The following PLXNA2 variants were observed in gnomAD, a reference collection of about 807,000 sequenced individuals.
The protein encoded by PLXNA2 is plexin A2.
Under a neutral mutation model 193.5 loss-of-function variants are expected in PLXNA2, and 91 were observed. The observed-to-expected ratio is 0.47, with a 90% CI of 0.40 to 0.56. The LOEUF is 0.56. Among genes scored for constraint, PLXNA2 ranks in the 20% least tolerant of loss-of-function variants. The probability of loss-of-function intolerance (pLI) is 0.00; values close to 1 mark genes in which losing one functional copy is unlikely to be tolerated. For synonymous variants in PLXNA2, 997 were observed against 1,027.3 expected (o/e 0.97, Z 0.56); for missense variants, 1,995 against 2,503.2 (o/e 0.80, Z 4.33).
At chr1:208,035,299 A>C (rs1475502706) in intron 26 of PLXNA2, among the ~76,000 whole-genome samples, 1 of 152,196 alleles carries the variant, frequency 6.6e-6, no homozygotes. Flanking sequence ...TCTCTTCATT[A>C]TATATTCTAA....
chr1:208,068,111 C>T (rs114931391), intron 12 of PLXNA2, among the ~76,000 whole-genome samples: 105 of 152,288 alleles, frequency 6.9e-4, no homozygotes, highest in African/African-American at 1.9e-3. Context: ...CTCAATAAGA[C>T]GATAACTATC....
intron 14 of PLXNA2, among the ~76,000 whole-genome samples, chr1:208,053,484 G>A (rs528128827): frequency 1.4e-4 from 21 of 152,344 alleles, no homozygotes; most frequent in Middle Eastern, 3.4e-3. Flanking sequence ...TCTGAGAGAG[G>A]AGAGTATAAG....
At chr1:208,151,857 C>T (rs600393) in intron 3 of PLXNA2, among the ~76,000 whole-genome samples, 128,414 of 151,860 alleles carry the variant, frequency 0.85, 54,634 homozygotes, top group Non-Finnish European at 0.9. Context: ...CCAGAGCCTA[C>T]GCTTTCTCTA....
chr1:208,211,780 T>C (rs775227929), intron 2 of PLXNA2, among the ~76,000 whole-genome samples: 1 of 152,122 alleles, frequency 6.6e-6, no homozygotes, highest in African/African-American at 2.4e-5. Flanking sequence ...TGTGAAAACT[T>C]GGACAAGCAG....
rs1329160301 is a variant in PLXNA2, at chr1:208,022,838, T to C, written c.*4405A>G. On this transcript the variant is annotated 3_prime_UTR_variant, in exon 32 of 32. Coordinates refer to ENST00000367033, the MANE Select transcript of PLXNA2 (RefSeq NM_025179.4). ...CTTCTCTGCTGTGAGAAGAATGAGA[T>C]GTGGGTGTCCACGAGAGGCTGAGGA... 1.3e-5 allele frequency: 2 copies of C among 152,258 alleles called. No homozygotes were observed. The highest frequency in any genetic ancestry group is 2.4e-5 in the African/African-American group (1 of 41,460). The allele number at this position is 152,258 out of a possible 1,614,324, so 9.4% of individuals were successfully genotyped here.
chr1:208,214,214 T>G (rs944662465), intron 2 of PLXNA2, among the ~76,000 whole-genome samples: 1 of 152,230 alleles, frequency 6.6e-6, no homozygotes, highest in Admixed American at 6.5e-5. Context: ...TCTTTACTAC[T>G]GTGATTAATA....
rs539912236 is a variant in PLXNA2 at position 208,214,123 on chromosome 1, C to T, written c.1188+2612G>A. Among the ~76,000 whole-genome samples the T allele has an allele frequency of 2.4e-3, 355 of 147,724 alleles. 4 individuals carry two copies. The highest frequency in any genetic ancestry group is 3.5e-3 in the Non-Finnish European group (230 of 66,516). ...ACGGCCAGTGGCCATAAAATTTTGG[C>T]GTTAAAAAAAAAAAAACCAAAGACT... On this transcript the variant is annotated intron_variant, in intron 2 of 31. Transcript: ENST00000367033.
At chr1:208,113,838 G>A (rs1667562366) in intron 4 of PLXNA2, among the ~76,000 whole-genome samples, 1 of 152,104 alleles carries the variant, frequency 6.6e-6, no homozygotes, top group Non-Finnish European at 1.5e-5. Context: ...TTACAGGTGT[G>A]AGCCACTGTG....
chr1:208,058,117 A>T (rs670590), intron 13 of PLXNA2, among the ~76,000 whole-genome samples: 1 of 152,194 alleles, frequency 6.6e-6, no homozygotes, highest in Non-Finnish European at 1.5e-5. Flanking sequence ...CCTGGGGCGG[A>T]AGCACACACA....
At chr1:208,221,038 T>G (rs1671312337) in intron 1 of PLXNA2, among the ~76,000 whole-genome samples, 1 of 152,138 alleles carries the variant, frequency 6.6e-6, no homozygotes, top group Non-Finnish European at 1.5e-5. Context: ...TCCTGAGAGT[T>G]AGACTGAGAA....
chr1:208,105,988 G>C (rs1383952918), intron 4 of PLXNA2, among the ~76,000 whole-genome samples: 1 of 152,090 alleles, frequency 6.6e-6, no homozygotes, highest in Non-Finnish European at 1.5e-5. Flanking sequence ...CAAGTGCCAC[G>C]GAGATAGTGA....
intron 14 of PLXNA2, among the ~76,000 whole-genome samples, 196 bp from the exon 15 acceptor site, chr1:208,052,659 G>A (rs534430707): frequency 4.3e-4 from 66 of 152,198 alleles, no homozygotes; most frequent in African/African-American, 1.5e-3. Flanking sequence ...GGGCATGTCC[G>A]GGAAGGCAGA....
At position 208,082,353 on chromosome 1, in the gene PLXNA2, C is replaced by G; in HGVS notation, c.2395+59G>C. 8 of 1,360,768 alleles carry G rather than the reference C, an allele frequency of 5.9e-6. No individual in the cohort carries two copies. In the South Asian group the frequency reaches 9.7e-5, roughly 16 times the overall value. The allele number at this position is 1,360,768 out of a possible 1,614,324, so 84.3% of individuals were successfully genotyped here. The stretch of plus-strand genomic sequence containing the variant: ...GGCTGGCTGGCTCTGATCCCTCTAG[C>G]CCCAGTCTTTCCCGGGGTCGTGAAA... On this transcript the variant is annotated intron_variant, in intron 11 of 31. Transcript: ENST00000367033. The surrounding 1 kb of genome is among the most constrained non-coding windows in gnomAD (Gnocchi z 4.2).
rs76513222 is a variant in PLXNA2 at position 208,188,079 on chromosome 1, A to G, written c.1371+22201T>C. On this transcript the variant is annotated intron_variant, in intron 3 of 31. Coordinates refer to ENST00000367033, the MANE Select transcript of PLXNA2 (RefSeq NM_025179.4). The stretch of plus-strand genomic sequence containing the variant: ...CATTGCACCACCACCAGTGACGCGC[A>G]CCTGAATATTTATGAGAATGGAGCC... Among the ~76,000 whole-genome samples the G allele has an allele frequency of 1.8e-3, 277 of 152,184 alleles. 4 individuals carry two copies. The East Asian group carries it at 0.024, about 13-fold the overall frequency.
At chr1:208,231,921 TGCCTGCACATAA>T (rs1181743321) in intron 1 of PLXNA2, among the ~76,000 whole-genome samples, 1 of 152,256 alleles carries the variant, frequency 6.6e-6, no homozygotes, top group African/African-American at 2.4e-5. Context: ...GGATACTCTC[TGCCTGCACATAA>T]GCAATACTCT....
Position 208,052,312 on chromosome 1 carries a change from T to C in PLXNA2, c.2993+15A>G. On this transcript the variant is annotated intron_variant, in intron 15 of 31. Transcript: ENST00000367033. ...AGATGTGCAGTCTTCTGGTGGCCCT[T>C]CAAGTTTATCTCACCCGTAGAACTC... is the stretch of plus-strand genomic sequence containing the variant. 6.2e-7 allele frequency: 1 copy of C among 1,611,446 alleles called. No individual in the cohort carries two copies. The highest frequency in any genetic ancestry group is 8.5e-7 in the Non-Finnish European group (1 of 1,179,802).
At chr1:208,124,853 G>A (rs1419701003) in intron 4 of PLXNA2, among the ~76,000 whole-genome samples, 1 of 151,554 alleles carries the variant, frequency 6.6e-6, no homozygotes, top group Non-Finnish European at 1.5e-5. Context: ...CCACAGCTAG[G>A]CCAAGCTGGT....
intron 8 of PLXNA2, among the ~76,000 whole-genome samples, chr1:208,094,189 G>T (rs1031186133): frequency 6.6e-6 from 1 of 152,186 alleles, no homozygotes; most frequent in African/African-American, 2.4e-5. Context: ...TAATGAAAAT[G>T]GACCAAGGGC....
chr1:208,097,654 A>G (rs1029295358), intron 6 of PLXNA2, among the ~76,000 whole-genome samples: 3 of 152,200 alleles, frequency 2.0e-5, no homozygotes, highest in Non-Finnish European at 4.4e-5. Context: ...TTGAGAAAAT[A>G]TTCAATGGCA....
Sources: allele counts gnomAD v4.1 joint callset (sites outside exome capture counted in the v4.1 genomes callset), GRCh38; gene constraint gnomAD v4.1.1; non-coding constraint Gnocchi (gnomAD v3.1); transcripts MANE v1.5; gene names NCBI Gene and HGNC (gene_info 2026-07-23, HGNC 2026-07-21).